MYO9A: variants seen among roughly 807,000 people sequenced by gnomAD.
MYO9A encodes the protein myosin IXA, also known as unconventional myosin-IXa.
In MYO9A, 103 loss-of-function variants were observed where a neutral mutation model predicts 293.3. The observed-to-expected ratio is 0.35, with a 90% CI of 0.30 to 0.41. The LOEUF (loss-of-function observed/expected upper bound fraction) is 0.41. MYO9A is among the 10% of genes least tolerant of loss of function. The pLI, the probability that MYO9A is intolerant of heterozygous loss-of-function variation, is 1.00. For synonymous variants in MYO9A, 1,001 were observed against 1,035.7 expected (o/e 0.97, Z 0.64); for missense variants, 2,685 against 3,033.0 (o/e 0.89, Z 2.69).
At chr15:71,934,284 A>T (rs2058564655) in intron 17 of MYO9A, among the ~76,000 whole-genome samples, 1 of 152,176 alleles carries the variant, frequency 6.6e-6, no homozygotes, top group South Asian at 2.1e-4. Flanking sequence ...GAAGTTAGAA[A>T]GACCTGGACA....
chr15:71,962,673 A>G (rs952062019), intron 13 of MYO9A, among the ~76,000 whole-genome samples: 4 of 152,208 alleles, frequency 2.6e-5, no homozygotes, highest in Admixed American at 6.5e-5. Flanking sequence ...AGATTTAGTC[A>G]TAAGCCATAA....
intron 37 of MYO9A, among the ~76,000 whole-genome samples, chr15:71,850,779 A>C (rs79942537): frequency 9.7e-6 from 1 of 103,410 alleles, no homozygotes; most frequent in East Asian, 3.9e-4. Flanking sequence ...AAAAAAAAAA[A>C]AAAAAAAAAA....
intron 40 of MYO9A, 85 bp from the exon 41 acceptor site, chr15:71,828,111 G>C: frequency 6.8e-7 from 1 of 1,463,986 alleles, no homozygotes; most frequent in South Asian, 1.4e-5. Context: ...ATGGAAGTCA[G>C]GAATCTAAGA....
At chr15:72,089,725 G>A (rs1187875072) in intron 1 of MYO9A, among the ~76,000 whole-genome samples, 1 of 152,166 alleles carries the variant, frequency 6.6e-6, no homozygotes, top group African/African-American at 2.4e-5. Flanking sequence ...AGGCTACAGT[G>A]AGCCATGATC....
chr15:71,939,008 G>A (rs574318583), intron 15 of MYO9A, 81 bp from the exon 16 acceptor site: 35 of 1,086,402 alleles, frequency 3.2e-5, no homozygotes, highest in South Asian at 2.3e-4. Flanking sequence ...AAAGACAAAC[G>A]AAAATTTAAT....
At chr15:72,041,360 A>G in intron 2 of MYO9A, 1 of 536,448 alleles carries the variant, frequency 1.9e-6, no homozygotes. Context: ...GGGAAAGGCA[A>G]CTATCTTGAA....
At chr15:71,884,959 CTTT>C (rs544597176) in intron 27 of MYO9A, among the ~76,000 whole-genome samples, 59 of 136,634 alleles carry the variant, frequency 4.3e-4, no homozygotes, top group African/African-American at 1.2e-3. Context: ...TTCTTTCTTC[CTTT>C]TTTTTTTTTT....
At chr15:72,022,559 G>A (rs1053239173) in intron 4 of MYO9A, among the ~76,000 whole-genome samples, 21 of 151,710 alleles carry the variant, frequency 1.4e-4, no homozygotes, top group African/African-American at 4.4e-4. Context: ...GTTTTGTTTC[G>A]TTTTTGTTTT....
intron 39 of MYO9A, among the ~76,000 whole-genome samples, chr15:71,840,242 A>G (rs1261454106): frequency 2.0e-5 from 3 of 152,238 alleles, no homozygotes; most frequent in African/African-American, 7.2e-5. Flanking sequence ...GTACAGGCAT[A>G]AAACTTCTAA....
chr15:72,032,695 G>A, intron 2 of MYO9A, 107 bp from the exon 3 acceptor site: 1 of 611,286 alleles, frequency 1.6e-6, no homozygotes, highest in Non-Finnish European at 2.6e-6. Flanking sequence ...AAATGTTAAA[G>A]AGACAGTAAA....
chr15:72,110,704 A>G (rs149687662), intron 1 of MYO9A, among the ~76,000 whole-genome samples: 1,658 of 152,264 alleles, frequency 0.011, 28 homozygotes, highest in African/African-American at 0.038. Context: ...GTATTTTTTC[A>G]AAAATATTTT....
intron 1 of MYO9A, among the ~76,000 whole-genome samples, chr15:72,083,881 G>A (rs1483234197): frequency 6.6e-6 from 1 of 152,188 alleles, no homozygotes; most frequent in Non-Finnish European, 1.5e-5. Flanking sequence ...TACGACTTCA[G>A]TTCTTTTGCA....
At chr15:71,877,085 A>C (rs189622499) in intron 31 of MYO9A, among the ~76,000 whole-genome samples, 3 of 152,324 alleles carry the variant, frequency 2.0e-5, no homozygotes, top group Admixed American at 2.0e-4. Context: ...AATGGAACAT[A>C]ATCAATACAA....
Position 71,852,229 on chromosome 15 carries a change from G to A in MYO9A, c.6378C>T (p.Asn2126=). ...TGAATACACTTGCAATGACGTGTATGTTATAGTCATCTAGATTTACACTCT... is the reference window on the plus strand; with the variant it reads ...TGAATACACTTGCAATGACGTGTATATTATAGTCATCTAGATTTACACTCT... The part of the protein sequence containing the change: ...DAESVNLDDY[N]IHVIASVFKQ... Residue 2126 remains asparagine (N), a synonymous_variant, in exon 36 of 42, where the codon AAC becomes AAT. Coordinates refer to ENST00000356056, the MANE Select transcript of MYO9A (RefSeq NM_006901.4). The A allele has an allele frequency of 6.2e-7, 1 of 1,612,432 alleles. No homozygotes were observed. Among genetic ancestry groups the A allele is most frequent in the African/African-American group, 1.3e-5 (1 of 74,982 alleles).
intron 1 of MYO9A, among the ~76,000 whole-genome samples, chr15:72,075,335 G>C (rs998209186): frequency 1.3e-5 from 2 of 151,986 alleles, no homozygotes; most frequent in African/African-American, 4.8e-5. Flanking sequence ...ATGAAAATGT[G>C]ACTTATAGGC....
chr15:71,987,776 T>G (rs945672715), intron 11 of MYO9A, among the ~76,000 whole-genome samples: 1 of 152,166 alleles, frequency 6.6e-6, no homozygotes, highest in African/African-American at 2.4e-5. Context: ...ATTTTAACCT[T>G]AACTTATTTT....
intron 39 of MYO9A, chr15:71,847,416 G>A (rs557534146): frequency 2.0e-5 from 9 of 454,630 alleles, no homozygotes; most frequent in Admixed American, 9.4e-5. Flanking sequence ...AATACATACC[G>A]AGACTGAATT....
intron 15 of MYO9A, among the ~76,000 whole-genome samples, chr15:71,947,985 C>A (rs1451812520): frequency 6.6e-6 from 1 of 152,140 alleles, no homozygotes; most frequent in Non-Finnish European, 1.5e-5. Flanking sequence ...AATTTCCTCC[C>A]TGAGAAATTT....
chr15:72,071,039 C>T (rs1424441392), intron 1 of MYO9A, among the ~76,000 whole-genome samples: 3 of 152,042 alleles, frequency 2.0e-5, no homozygotes, highest in Non-Finnish European at 4.4e-5. Flanking sequence ...TGCAATAAAA[C>T]CAAAAACTGA....
Sources: gnomAD v4.1 joint callset for allele counts (sites outside exome capture counted in the v4.1 genomes callset) on GRCh38, gnomAD v4.1.1 for gene constraint, MANE v1.5 for transcripts, NCBI Gene and HGNC (gene_info 2026-07-23, HGNC 2026-07-21) for gene names.